CARM1: variants seen among roughly 807,000 people sequenced by gnomAD.
The protein encoded by CARM1 is coactivator associated arginine methyltransferase 1.
A neutral mutation model predicts 72.7 loss-of-function variants in CARM1; 14 were observed. That is an observed-to-expected ratio of 0.19 (90% CI 0.13 to 0.30). CARM1 has a LOEUF of 0.30. Among genes scored for constraint, CARM1 ranks in the 10% least tolerant of loss-of-function variants. CARM1 has a pLI of 1.00. For synonymous variants in CARM1, 333 were observed against 345.5 expected, an observed-to-expected ratio of 0.96 and a Z score of 0.40; for missense variants, 432 against 833.7, an observed-to-expected ratio of 0.52 and a Z score of 5.93.
chr19:10,887,668 C>T (rs761300893), intron 1 of CARM1, among the ~76,000 whole-genome samples: 7 of 152,316 alleles, frequency 4.6e-5, no homozygotes, highest in South Asian at 2.1e-4. Flanking sequence ...GTCTCAAACT[C>T]GTGGTCCCAA....
Position 10,871,643 on chromosome 19 carries a change from G to GCGGCAGCA in CARM1, c.-60_-59insCGGCAGCA, listed in dbSNP as rs2073817438. 10 of 142,114 alleles carry GCGGCAGCA rather than the reference G, an allele frequency of 7.0e-5. No homozygotes were observed. The highest frequency in any genetic ancestry group is 2.9e-4 in the African/African-American group (8 of 27,438). The allele number at this position is 142,114 out of a possible 1,614,324, so 8.8% of individuals were successfully genotyped here. A position where few individuals can be genotyped will look rare whatever the true frequency, so the allele number is the denominator to read the frequency against. ...CGGCGGCGGCGGCGGCGGCGGCAGC[G>GCGGCAGCA]GCGGCGGCCTGGGCCCGGGCGCAGC... On this transcript the variant is annotated 5_prime_UTR_variant, in exon 1 of 16. Coordinates refer to ENST00000327064, the MANE Select transcript of CARM1 (RefSeq NM_199141.2). This position sits in a 1 kb window ranked among gnomAD's most constrained non-coding sequence, Gnocchi z 5.6.
At chr19:10,917,338 G>A (rs142783157) in intron 8 of CARM1, among the ~76,000 whole-genome samples, 5,946 of 152,028 alleles carry the variant, frequency 0.039, 467 homozygotes, top group East Asian at 0.36. Context: ...TTAGCCAGAC[G>A]TGGTGGCGGG....
At chr19:10,877,577 C>A (rs1409281887) in intron 1 of CARM1, among the ~76,000 whole-genome samples, 1 of 151,992 alleles carries the variant, frequency 6.6e-6, no homozygotes, top group Non-Finnish European at 1.5e-5. Context: ...CCTGTGCCAC[C>A]ACCCTGGCTA....
chr19:10,903,192 G>C (rs1433543879), intron 1 of CARM1, among the ~76,000 whole-genome samples: 1 of 152,026 alleles, frequency 6.6e-6, no homozygotes, highest in Admixed American at 6.6e-5. Context: ...GTTTATTTCT[G>C]GACTCTGATT....
chr19:10,872,723 C>T (rs1404748787), intron 1 of CARM1, among the ~76,000 whole-genome samples: 1 of 151,996 alleles, frequency 6.6e-6, no homozygotes, highest in African/African-American at 2.4e-5. Flanking sequence ...TGCCAGCACC[C>T]CCCACCCCCG....
chr19:10,918,253 C>T (rs2074213671), intron 8 of CARM1, among the ~76,000 whole-genome samples: 1 of 152,138 alleles, frequency 6.6e-6, no homozygotes, highest in Non-Finnish European at 1.5e-5. Flanking sequence ...CAGGATCTCA[C>T]TCTGTTCCCC....
At chr19:10,892,819 G>C (rs1220603505) in intron 1 of CARM1, among the ~76,000 whole-genome samples, 1 of 152,116 alleles carries the variant, frequency 6.6e-6, no homozygotes, top group African/African-American at 2.4e-5. Context: ...TGCAACCTCT[G>C]CCTCCTGGGT....
chr19:10,886,087 A>C (rs1599688090), intron 1 of CARM1, among the ~76,000 whole-genome samples: 4 of 119,040 alleles, frequency 3.4e-5, no homozygotes, highest in East Asian at 2.4e-4. Context: ...ATGGAGTTTC[A>C]CTCTTGTTGC....
chr19:10,899,368 G>T (rs1335101322), intron 1 of CARM1, among the ~76,000 whole-genome samples: 1 of 152,252 alleles, frequency 6.6e-6, no homozygotes, highest in Non-Finnish European at 1.5e-5. Context: ...TGTCGCCCAG[G>T]TGTGGCTAAC....
rs150342193 is a variant in CARM1, at chr19:10,895,043, C to T, written c.221-9908C>T. 1.1e-3 allele frequency among the ~76,000 whole-genome samples: 169 copies of T among 152,208 alleles called. 1 individual carries two copies. The highest frequency in any genetic ancestry group is 0.01 in the Middle Eastern group (3 of 294). On this transcript the variant is annotated intron_variant, in intron 1 of 15. Coordinates refer to ENST00000327064, the MANE Select transcript of CARM1 (RefSeq NM_199141.2). The stretch of plus-strand genomic sequence containing the variant: ...TACAGGCGGGAGCCACTGTTCCCAG[C>T]CGGCCTCCTTATTCTCTATCTGCCA...
Position 10,920,631 on chromosome 19 carries a change from C to T in CARM1, c.1335-28C>T, listed in dbSNP as rs190173294. On this transcript the variant is annotated intron_variant, in intron 11 of 15. Coordinates refer to ENST00000327064, the MANE Select transcript of CARM1 (RefSeq NM_199141.2). This position sits in a 1 kb window ranked among gnomAD's most constrained non-coding sequence, Gnocchi z 5.3. ...GCAGGGGTCCATCTGCCCAGCAGCT[C>T]ATGCCACGGCCTGCACCCTGTCCGC... The T allele has an allele frequency of 1.9e-6, 3 of 1,613,946 alleles. No homozygotes were observed. The highest frequency in any genetic ancestry group is 4.5e-5 in the East Asian group (2 of 44,888).
intron 6 of CARM1, 81 bp downstream of exon 6, chr19:10,914,135 T>A: frequency 7.3e-7 from 1 of 1,372,836 alleles, no homozygotes. Context: ...GTGCTTCAGC[T>A]CCCTGCTTAC....
At chr19:10,892,629 C>G (rs538204584) in intron 1 of CARM1, among the ~76,000 whole-genome samples, 1 of 152,344 alleles carries the variant, frequency 6.6e-6, no homozygotes, top group African/African-American at 2.4e-5. Context: ...GTAACAGCAG[C>G]TGCTCTTGTT....
In CARM1 at chr19:10,911,364, G is replaced by C. The variant is rs545889770; in HGVS notation, c.559-820G>C. ...TTGGGCCCTGGGGAGGAGTTGTCTT[G>C]ACACAAGAGTGTCTGCCCTGGCAGG... On this transcript the variant is annotated intron_variant, in intron 4 of 15. Transcript: ENST00000327064. Among the ~76,000 whole-genome samples, 4 of 152,260 alleles carry C rather than the reference G, an allele frequency of 2.6e-5. No individual in the cohort carries two copies. In the East Asian group the frequency reaches 7.7e-4, roughly 29 times the overall value.
At position 10,896,522 on chromosome 19, in the gene CARM1, G is replaced by A. The variant is rs1037224565; in HGVS notation, c.221-8429G>A. 6.6e-6 allele frequency among the ~76,000 whole-genome samples: 1 copy of A among 151,852 alleles called. No individual in the cohort carries two copies. The highest frequency in any genetic ancestry group is 6.6e-5 in the Admixed American group (1 of 15,242). On this transcript the variant is annotated intron_variant, in intron 1 of 15. Transcript: ENST00000327064. This position sits in a 1 kb window ranked among gnomAD's most constrained non-coding sequence, Gnocchi z 5.2. ...GACGGTGGGTCTCTCCCCACCCTGC[G>A]CAAGATCCCTCCCAGTGCTGCCCAG...
chr19:10,908,091 G>T lies in CARM1; in HGVS notation c.399G>T (p.Glu133Asp). The T allele has an allele frequency of 6.2e-7, 1 of 1,614,126 alleles. No homozygotes were observed. Among genetic ancestry groups the T allele is most frequent in the Non-Finnish European group, 8.5e-7 (1 of 1,180,000 alleles). The change falls in exon 3 of 16, where the codon GAG becomes GAT. Residue 133 changes from glutamate (E) to aspartate (D), a missense_variant. Physicochemically the swap from Glu to Asp is conservative, Grantham distance 45. Transcript: ENST00000327064. ...AAACCTGCCGGGGCCACACCCTGGA[G>T]CGGTCTGTGTTCAGCGAGCGGACGG... is the stretch of plus-strand genomic sequence containing the variant. ...ILKTCRGHTL[E>D]RSVFSERTEE...
At chr19:10,919,551 G>A (rs1160571278) in intron 8 of CARM1, 44 bp from the exon 9 acceptor site, 2 of 1,421,448 alleles carry the variant, frequency 1.4e-6, no homozygotes, top group African/African-American at 2.8e-5. Context: ...CTCCCATGCT[G>A]GCCCTGGCGT....
At chr19:10,902,798 C>T (rs138920770) in intron 1 of CARM1, among the ~76,000 whole-genome samples, 2,152 of 151,954 alleles carry the variant, frequency 0.014, 28 homozygotes, top group Non-Finnish European at 0.023. Flanking sequence ...TTAGTAGAGA[C>T]GGGATTTCAC....
At chr19:10,921,013 C>T in intron 13 of CARM1, 37 bp from the exon 14 acceptor site, 1 of 1,612,234 alleles carries the variant, frequency 6.2e-7, no homozygotes, top group South Asian at 1.1e-5. Flanking sequence ...CCTGGCCCCT[C>T]TGCCTCCAGC....
Sources: gnomAD v4.1 joint callset for allele counts (sites outside exome capture counted in the v4.1 genomes callset) on GRCh38, gnomAD v4.1.1 for gene constraint, Gnocchi (gnomAD v3.1) non-coding constraint, MANE v1.5 for transcripts, NCBI Gene and HGNC (gene_info 2026-07-23, HGNC 2026-07-21) for gene names.